Variants in EFHC2 observed in about 807,000 individuals in gnomAD.
EFHC2 encodes EF-hand domain containing 2, also known as EF-hand domain-containing family member C2.
A neutral mutation model predicts 52.7 loss-of-function variants in EFHC2; 18 were observed. The observed-to-expected ratio is 0.34, with a 90% CI of 0.24 to 0.51. The LOEUF is 0.51. EFHC2 is among the 20% of genes least tolerant of loss of function. The pLI, the probability that EFHC2 is intolerant of heterozygous loss-of-function variation, is 0.97. For missense variants in EFHC2, 513 were observed against 562.5 expected, an observed-to-expected ratio of 0.91 and a Z score of 0.89; for synonymous variants, 203 against 204.1, an observed-to-expected ratio of 0.99 and a Z score of 0.04.
At chrX:44,259,166 G>C (rs2037517854) in intron 4 of EFHC2, among the ~76,000 whole-genome samples, 1 of 112,247 alleles carries the variant, frequency 8.9e-6, no homozygotes, top group Non-Finnish European at 1.9e-5. Flanking sequence ...ATCAATGATA[G>C]ACTGGATAAA....
chrX:44,163,803 A>C lies in EFHC2; in HGVS notation c.2148+119T>G, dbSNP rs775217427. On this transcript the variant is annotated intron_variant, in intron 14 of 14. Transcript: ENST00000420999. ...CACAAATGCCCAGAAACACATAAGC[A>C]CTCTTTCCAAAAGCACTGATGTTAA... 1.7e-5 allele frequency: 9 copies of C among 527,110 alleles called. No homozygotes were observed. In the South Asian group the frequency reaches 1.9e-4, roughly 11 times the overall value. 43.4% of individuals were successfully genotyped at this position (527,110 alleles called of 1,213,427 possible).
rs370042086 is a variant in EFHC2 at position 44,264,334 on chromosome X, G to C, written c.383-3036C>G. ...AAAAGAGAGATGAAGCTGCTCTTCC[G>C]AAAGAACAGCCTCTCTCCTCGAAGG... On this transcript the variant is annotated intron_variant, in intron 3 of 14. Coordinates refer to ENST00000420999, the MANE Select transcript of EFHC2 (RefSeq NM_025184.4). 7.2e-5 allele frequency among the ~76,000 whole-genome samples: 8 copies of C among 111,815 alleles called. No homozygotes were observed. The East Asian group carries it at 1.1e-3, about 16-fold the overall frequency.
chrX:44,164,095 A>G, intron 13 of EFHC2, 68 bp from the exon 14 acceptor site: 1 of 649,436 alleles, frequency 1.5e-6, no homozygotes. Context: ...TGTCAGTTTC[A>G]ATTTTATCAT....
intron 3 of EFHC2, among the ~76,000 whole-genome samples, chrX:44,269,329 G>A (rs2037600353): frequency 1.8e-5 from 2 of 110,722 alleles, no homozygotes; most frequent in Non-Finnish European, 3.8e-5. Context: ...CTTGCTCTGT[G>A]CTCCTGGGCT....
At chrX:44,187,343 G>A (rs1016092495) in intron 11 of EFHC2, among the ~76,000 whole-genome samples, 1 of 108,005 alleles carries the variant, frequency 9.3e-6, no homozygotes, top group Non-Finnish European at 1.9e-5. Flanking sequence ...TTCTTAATAG[G>A]TGTGAACATA....
chrX:44,239,648 A>T (rs890663963), intron 8 of EFHC2, among the ~76,000 whole-genome samples: 1 of 112,387 alleles, frequency 8.9e-6, no homozygotes, highest in African/African-American at 3.2e-5. Flanking sequence ...CATGTAAAAA[A>T]TGGGTACAAT....
At chrX:44,299,220 C>A (rs891505917) in intron 2 of EFHC2, among the ~76,000 whole-genome samples, 4 of 111,488 alleles carry the variant, frequency 3.6e-5, no homozygotes, top group Admixed American at 2.9e-4. Context: ...AGGACATTCC[C>A]AAGTTAGCCT....
chrX:44,180,522 G>A (rs1463882417), intron 11 of EFHC2, among the ~76,000 whole-genome samples: 1 of 111,763 alleles, frequency 8.9e-6, no homozygotes, highest in Non-Finnish European at 1.9e-5. Context: ...TGGGCAGATC[G>A]CCTGAGGTCA....
At position 44,158,059 on chromosome X, in the gene EFHC2, T is replaced by C. The variant is rs28706025; in HGVS notation, c.2148+5863A>G. On this transcript the variant is annotated intron_variant, in intron 14 of 14. Coordinates refer to ENST00000420999, the MANE Select transcript of EFHC2 (RefSeq NM_025184.4). ...GACCACACCCCTACTCAGCCTGTGG[T>C]TGGCTGAAGCCTGTGGTCTTGTTCC... 5.8e-3 allele frequency among the ~76,000 whole-genome samples: 642 copies of C among 111,195 alleles called. 6 individuals are homozygous for C. Among genetic ancestry groups the C allele is most frequent in the African/African-American group, 0.02 (611 of 30,562 alleles).
intron 13 of EFHC2, among the ~76,000 whole-genome samples, chrX:44,175,522 T>C: frequency 8.9e-6 from 1 of 112,040 alleles, no homozygotes; most frequent in Non-Finnish European, 1.9e-5. Context: ...TTCTACACTA[T>C]GTGACTTTGG....
chrX:44,335,088 A>T (rs1253376168), intron 1 of EFHC2, among the ~76,000 whole-genome samples: 1 of 110,982 alleles, frequency 9.0e-6, no homozygotes, highest in Non-Finnish European at 1.9e-5. Flanking sequence ...GATCTCCAAG[A>T]TATACTGTTA....
At position 44,242,563 on chromosome X, in the gene EFHC2, A is replaced by G. The variant is rs113523429; in HGVS notation, c.1112-274T>C. On this transcript the variant is annotated intron_variant, in intron 7 of 14. Coordinates refer to ENST00000420999, the MANE Select transcript of EFHC2 (RefSeq NM_025184.4). The stretch of plus-strand genomic sequence containing the variant: ...GTAAACGTTTATATTTTGTCATCAC[A>G]TTCCCATTTCTGAATATTTTTTGTT... Among the ~76,000 whole-genome samples, 758 of 110,809 alleles carry G rather than the reference A, an allele frequency of 6.8e-3. 11 individuals carry two copies. The highest frequency in any genetic ancestry group is 0.023 in the African/African-American group (712 of 30,477).
rs765032672 is a variant in EFHC2, at chrX:44,156,684, T to C, written c.2148+7238A>G. On this transcript the variant is annotated intron_variant, in intron 14 of 14. Coordinates refer to ENST00000420999, the MANE Select transcript of EFHC2 (RefSeq NM_025184.4). Reference sequence around the variant, plus strand: ...ATAAAATGAAGCCACATCCAATTTTTCTCAGAAATGTCAAAAGATAAGACG... The same window carrying C: ...ATAAAATGAAGCCACATCCAATTTTCCTCAGAAATGTCAAAAGATAAGACG... Among the ~76,000 whole-genome samples, 4 of 112,608 alleles carry C rather than the reference T, an allele frequency of 3.6e-5. No homozygotes were observed. In the South Asian group the frequency reaches 1.5e-3, roughly 42 times the overall value.
chrX:44,178,166 C>CACACACACACAA (rs2036804403), intron 12 of EFHC2, among the ~76,000 whole-genome samples: 1 of 109,522 alleles, frequency 9.1e-6, no homozygotes, highest in East Asian at 2.9e-4. Context: ...CACACACACA[C>CACACACACACAA]ACAAGCTCTC....
At chrX:44,259,508 G>A (rs913325805) in intron 4 of EFHC2, among the ~76,000 whole-genome samples, 1 of 111,784 alleles carries the variant, frequency 8.9e-6, no homozygotes, top group Non-Finnish European at 1.9e-5. Flanking sequence ...TAACAAACCT[G>A]CAAATTCTGC....
intron 13 of EFHC2, among the ~76,000 whole-genome samples, chrX:44,166,599 G>C (rs2036698407): frequency 9.0e-6 from 1 of 111,536 alleles, no homozygotes; most frequent in African/African-American, 3.3e-5. Flanking sequence ...GGAGACTTGA[G>C]GAGATCATCA....
chrX:44,264,588 G>A (rs772769652), intron 3 of EFHC2, among the ~76,000 whole-genome samples: 1 of 112,288 alleles, frequency 8.9e-6, no homozygotes, highest in East Asian at 2.8e-4. Flanking sequence ...GAAAAGGCAG[G>A]TCTAACACTA....
chrX:44,319,394 C>A (rs1168922733), intron 1 of EFHC2, among the ~76,000 whole-genome samples: 1 of 111,632 alleles, frequency 9.0e-6, no homozygotes, highest in Non-Finnish European at 1.9e-5. Flanking sequence ...CCACAGCATG[C>A]CAACCCTTGC....
intron 11 of EFHC2, among the ~76,000 whole-genome samples, chrX:44,223,538 T>C (rs1433994320): frequency 2.7e-5 from 3 of 110,588 alleles, no homozygotes; most frequent in African/African-American, 9.9e-5. Flanking sequence ...AGAGAGGATA[T>C]TCCTTTTTAA....
Sources: allele counts gnomAD v4.1 joint callset (sites outside exome capture counted in the v4.1 genomes callset), GRCh38; gene constraint gnomAD v4.1.1; transcripts MANE v1.5; gene names NCBI Gene and HGNC (gene_info 2026-07-23, HGNC 2026-07-21).